Variants in SYT14 observed in about 807,000 individuals in gnomAD.
SYT14 encodes synaptotagmin 14.
In SYT14, 32 loss-of-function variants were observed where a neutral mutation model predicts 74.2. The observed-to-expected ratio is 0.43, with a 90% confidence interval of 0.33 to 0.58. SYT14 has a LOEUF of 0.58. Ranked by LOEUF, SYT14 falls within the 20% of genes least tolerant of loss-of-function variation. The pLI is 0.05. For missense variants in SYT14, 791 were observed against 981.8 expected (o/e 0.81, Z 2.60); for synonymous variants, 298 against 337.7 (o/e 0.88, Z 1.29).
chr1:210,098,458 C>G (rs1432454547), intron 6 of SYT14, among the ~76,000 whole-genome samples: 1 of 152,128 alleles, frequency 6.6e-6, no homozygotes, highest in African/African-American at 2.4e-5. Context: ...TCTGCCTTCC[C>G]CTAGGGTATT....
intron 1 of SYT14, among the ~76,000 whole-genome samples, chr1:209,942,022 A>G (rs886109267): frequency 2.0e-5 from 3 of 152,208 alleles, no homozygotes; most frequent in Non-Finnish European, 4.4e-5. Flanking sequence ...CATATTCAGT[A>G]CACATACAAC....
chr1:210,147,022 G>A (rs1167143129), intron 7 of SYT14, among the ~76,000 whole-genome samples: 1 of 152,010 alleles, frequency 6.6e-6, no homozygotes, highest in Non-Finnish European at 1.5e-5. Flanking sequence ...TAAAAAGTAT[G>A]AGCAGGAAGA....
At chr1:210,132,280 C>T (rs951133581) in intron 7 of SYT14, among the ~76,000 whole-genome samples, 20 of 152,032 alleles carry the variant, frequency 1.3e-4, no homozygotes, top group African/African-American at 4.8e-4. Context: ...CCAAGTCCAC[C>T]TCTTCATATC....
chr1:210,144,380 T>C (rs1429404097), intron 7 of SYT14, among the ~76,000 whole-genome samples: 1 of 152,168 alleles, frequency 6.6e-6, no homozygotes, highest in East Asian at 1.9e-4. Context: ...GAAGTAGACA[T>C]AGTTATTTCA....
intron 5 of SYT14, among the ~76,000 whole-genome samples, chr1:210,042,650 G>T (rs2080813470): frequency 6.6e-6 from 1 of 152,138 alleles, no homozygotes; most frequent in African/African-American, 2.4e-5. Flanking sequence ...TGTCAGGTTT[G>T]TCAAAGATCA....
chr1:210,139,632 T>C (rs1463535079), intron 7 of SYT14, among the ~76,000 whole-genome samples: 1 of 152,178 alleles, frequency 6.6e-6, no homozygotes. Context: ...ACGAAAACTC[T>C]GTAGCCATTA....
In SYT14 at chr1:210,092,485, A is replaced by T. The variant is rs138691181; in HGVS notation, c.1313-1837A>T. On this transcript the variant is annotated intron_variant, in intron 5 of 9. Transcript: ENST00000637265. ...TCCTAATCAGAATGCTGCTTAGGAGAAAAAGAGGTTATGGATGGAGTCAAG... is the reference window on the plus strand; with the variant it reads ...TCCTAATCAGAATGCTGCTTAGGAGTAAAAGAGGTTATGGATGGAGTCAAG... 2.7e-3 allele frequency among the ~76,000 whole-genome samples: 406 copies of T among 152,274 alleles called. 2 individuals are homozygous for T. The highest frequency in any genetic ancestry group is 9.0e-3 in the African/African-American group (373 of 41,548).
At chr1:209,995,756 CA>C (rs1393552146) in intron 2 of SYT14, among the ~76,000 whole-genome samples, 1 of 151,882 alleles carries the variant, frequency 6.6e-6, no homozygotes, top group Middle Eastern at 3.2e-3. Context: ...TCAGTAAATT[CA>C]AAAAAACTCA....
At chr1:210,073,041 G>A (rs1031899925) in intron 5 of SYT14, among the ~76,000 whole-genome samples, 1 of 149,212 alleles carries the variant, frequency 6.7e-6, no homozygotes, top group Non-Finnish European at 1.5e-5. Context: ...GTATTGCATT[G>A]CAATTCAACA....
At chr1:210,003,185 C>T (rs946505553) in intron 2 of SYT14, among the ~76,000 whole-genome samples, 37 of 152,308 alleles carry the variant, frequency 2.4e-4, no homozygotes, top group African/African-American at 8.7e-4. Context: ...CCCTCACTCA[C>T]CCACTGCTCT....
At chr1:210,112,530 T>TTGTA (rs2082282937) in intron 7 of SYT14, among the ~76,000 whole-genome samples, 1 of 150,884 alleles carries the variant, frequency 6.6e-6, no homozygotes, top group South Asian at 2.1e-4. Context: ...TAAGTGGAAG[T>TTGTA]TGTAGTGGGG....
At chr1:210,114,840 G>A (rs2102591842) in intron 7 of SYT14, among the ~76,000 whole-genome samples, 1 of 151,190 alleles carries the variant, frequency 6.6e-6, no homozygotes, top group East Asian at 1.9e-4. Context: ...AGAGAATGAG[G>A]AAGAATTGGG....
At chr1:210,105,006 C>T (rs969852736) in intron 7 of SYT14, among the ~76,000 whole-genome samples, 3 of 151,990 alleles carry the variant, frequency 2.0e-5, no homozygotes, top group African/African-American at 7.3e-5. Flanking sequence ...GAGCAGCAGG[C>T]GTACCTGTTA....
chr1:210,049,166 C>CAAG, intron 5 of SYT14, among the ~76,000 whole-genome samples: 1 of 152,262 alleles, frequency 6.6e-6, no homozygotes, highest in East Asian at 1.9e-4. Flanking sequence ...TGGTGGATCT[C>CAAG]CCATTCTGGG....
intron 7 of SYT14, among the ~76,000 whole-genome samples, chr1:210,102,622 C>G (rs1318242092): frequency 6.6e-6 from 1 of 152,000 alleles, no homozygotes; most frequent in African/African-American, 2.4e-5. Flanking sequence ...TTGTAAGATG[C>G]AATAATATAT....
At chr1:210,046,679 T>G (rs1411383250) in intron 5 of SYT14, among the ~76,000 whole-genome samples, 1 of 152,192 alleles carries the variant, frequency 6.6e-6, no homozygotes, top group Non-Finnish European at 1.5e-5. Context: ...ATCTGTAGAC[T>G]TAGCAGGGTC....
chr1:210,159,327 G>GT (rs1240915480), intron 8 of SYT14, 94 bp from the exon 8 acceptor site: 4 of 1,218,810 alleles, frequency 3.3e-6, no homozygotes, highest in Non-Finnish European at 4.7e-6. Context: ...AGTGAACAGT[G>GT]TTTCCTCTTT....
At chr1:210,050,289 A>G (rs772333786) in intron 5 of SYT14, among the ~76,000 whole-genome samples, 3 of 152,200 alleles carry the variant, frequency 2.0e-5, no homozygotes, top group Non-Finnish European at 4.4e-5. Flanking sequence ...CTAAAACATA[A>G]CAAGAGTCAC....
chr1:210,072,089 T>G (rs2081405582), intron 5 of SYT14, among the ~76,000 whole-genome samples: 1 of 150,894 alleles, frequency 6.6e-6, no homozygotes, highest in Non-Finnish European at 1.5e-5. Context: ...TGATGTCTAT[T>G]CAGATTTTTT....
Sources: allele counts gnomAD v4.1 joint callset (sites outside exome capture counted in the v4.1 genomes callset), GRCh38; gene constraint gnomAD v4.1.1; transcripts MANE v1.5; gene names NCBI Gene and HGNC (gene_info 2026-07-23, HGNC 2026-07-21).